The following MTG1 variants were observed in gnomAD, a reference collection of about 807,000 sequenced individuals.
The protein encoded by MTG1 is mitochondrial ribosome-associated GTPase 1.
In MTG1, 30 loss-of-function variants were observed where a neutral mutation model predicts 39.5. That is an observed-to-expected ratio of 0.76 (90% CI 0.57 to 1.03). MTG1 has a LOEUF of 1.03. MTG1 is among the 50% of genes least tolerant of loss of function. MTG1 has a pLI of 0.00. For missense variants in MTG1, 513 were observed against 447.4 expected (o/e 1.15, Z -1.32); for synonymous variants, 217 against 179.0 (o/e 1.21, Z -1.69).
chr10:133,415,820 C>G (rs190928467), intron 9 of MTG1, among the ~76,000 whole-genome samples: 5 of 152,104 alleles, frequency 3.3e-5, no homozygotes, highest in Admixed American at 3.3e-4. Context: ...TCCTCAGGAC[C>G]TCAGGCATGC....
At chr10:133,414,992 C>T (rs978604071) in intron 9 of MTG1, among the ~76,000 whole-genome samples, 11 of 152,250 alleles carry the variant, frequency 7.2e-5, no homozygotes, top group African/African-American at 2.2e-4. Flanking sequence ...AGCGAAACCC[C>T]ATCTCCACCA....
intron 9 of MTG1, among the ~76,000 whole-genome samples, chr10:133,417,120 A>C (rs1004637052): frequency 1.7e-4 from 26 of 152,036 alleles, no homozygotes; most frequent in African/African-American, 6.0e-4. Context: ...ATGGTATCTC[A>C]TTGTGGTTTT....
At position 133,420,332 on chromosome 10, in the gene MTG1, A is replaced by C. The variant is rs1474853965; in HGVS notation, c.*167A>C. The stretch of plus-strand genomic sequence containing the variant: ...GGCCAGCTCCAGGGACCCCAGTTGC[A>C]GGGCCCAAGCAGGTGGGAGTGGACA... On this transcript the variant is annotated 3_prime_UTR_variant, in exon 11 of 11. Transcript: ENST00000317502. 8.7e-6 allele frequency: 7 copies of C among 801,906 alleles called. No individual in the cohort carries two copies. In the South Asian group the frequency reaches 9.2e-5, roughly 11 times the overall value. The allele number at this position is 801,906 out of a possible 1,614,324, so 49.7% of individuals were successfully genotyped here.
chr10:133,410,735 G>A (rs1003049135), intron 9 of MTG1, among the ~76,000 whole-genome samples: 1 of 152,208 alleles, frequency 6.6e-6, no homozygotes, highest in Non-Finnish European at 1.5e-5. Flanking sequence ...TCGTGCCATC[G>A]CACTTCAGCC....
In MTG1 at chr10:133,402,086, G is replaced by A. The variant is rs1224548486; in HGVS notation, c.574-63G>A. On this transcript the variant is annotated intron_variant, in intron 7 of 10. Coordinates refer to ENST00000317502, the MANE Select transcript of MTG1 (RefSeq NM_138384.4). This position sits in a 1 kb window ranked among gnomAD's most constrained non-coding sequence, Gnocchi z 4.7. ...GTGCCAGGGGCTGCCCAGGCTTCCT[G>A]AGTGGCCCACCTGGGTGGGAGGCTG... The A allele has an allele frequency of 6.2e-7, 1 of 1,601,692 alleles. No individual in the cohort carries two copies. Among genetic ancestry groups the A allele is most frequent in the Middle Eastern group, 1.7e-4 (1 of 6,006 alleles).
At chr10:133,398,290 C>T (rs1283075966) in intron 3 of MTG1, 145 bp from the exon 4 acceptor site, 2 of 708,404 alleles carry the variant, frequency 2.8e-6, no homozygotes, top group Non-Finnish European at 4.6e-6. Context: ...ATCCCTGCTA[C>T]TTGGGAGGCT....
At chr10:133,412,879 A>T (rs1321025908) in intron 9 of MTG1, among the ~76,000 whole-genome samples, 2 of 152,034 alleles carry the variant, frequency 1.3e-5, no homozygotes, top group Non-Finnish European at 1.5e-5. Flanking sequence ...ACTACCAATT[A>T]TTGTGAGAGG....
chr10:133,395,599 A>G, intron 1 of MTG1, 114 bp from the exon 2 acceptor site: 1 of 954,274 alleles, frequency 1.0e-6, no homozygotes, highest in African/African-American at 1.6e-5. Context: ...CTTCCCTCAG[A>G]TATAGTCTTT....
In MTG1 at chr10:133,394,280, C is replaced by T. The variant is rs1484271203; in HGVS notation, c.60C>T (p.Phe20=). 2.6e-6 allele frequency: 4 copies of T among 1,517,252 alleles called. No individual in the cohort carries two copies. In the East Asian group the frequency reaches 8.1e-5, roughly 31 times the overall value. 94.0% of individuals were successfully genotyped at this position (1,517,252 alleles called of 1,614,324 possible). A position where few individuals can be genotyped will look rare whatever the true frequency, so the allele number is the denominator to read the frequency against. The change falls in exon 1 of 11, where the codon TTC becomes TTT. Residue 20 remains phenylalanine, a synonymous_variant. Coordinates refer to ENST00000317502, the MANE Select transcript of MTG1 (RefSeq NM_138384.4). ...CCCAGGCCGCCTGGCGGGAGAACTT[C>T]CCCCTGTGCGGTCGCGACGTGGCGC... is the stretch of plus-strand genomic sequence containing the variant. The part of the protein sequence containing the change: ...SAAQAAWREN[F]PLCGRDVARW...
chr10:133,394,215 G>T lies in MTG1; in HGVS notation c.-6G>T, dbSNP rs754178059. 1.5e-5 allele frequency: 22 copies of T among 1,514,578 alleles called. No individual in the cohort carries two copies. Among genetic ancestry groups the T allele is most frequent in the South Asian group, 3.7e-5 (3 of 82,090 alleles). 93.8% of individuals were successfully genotyped at this position (1,514,578 alleles called of 1,614,324 possible). ...CTGCGGGAGCGTTTCCGGGGACGGT[G>T]CCGCCATGAGATTGACCCCGCGCGC... On this transcript the variant is annotated 5_prime_UTR_variant, in exon 1 of 11. Transcript: ENST00000317502.
intron 4 of MTG1, 104 bp downstream of exon 4, chr10:133,398,619 A>G: frequency 7.5e-7 from 1 of 1,337,736 alleles, no homozygotes; most frequent in Non-Finnish European, 1.0e-6. Flanking sequence ...TTTGGAAAAG[A>G]TCCTAGGTGT....
At chr10:133,415,372 C>T (rs1366411998) in intron 9 of MTG1, among the ~76,000 whole-genome samples, 1 of 152,118 alleles carries the variant, frequency 6.6e-6, no homozygotes, top group Non-Finnish European at 1.5e-5. Context: ...ATTCTTTCAG[C>T]TTTTGGTTGT....
At position 133,412,955 on chromosome 10, in the gene MTG1, C is replaced by T. The variant is rs1011013081; in HGVS notation, c.753-6525C>T. Among the ~76,000 whole-genome samples the T allele has an allele frequency of 3.0e-4, 45 of 152,160 alleles. 2 individuals carry two copies. The highest frequency in any genetic ancestry group is 1.9e-4 in the East Asian group (1 of 5,202). ...CTTGCTGTTCAGTCAGTTTTGGCTT[C>T]GTGTATTTCGAAGCTCTGCTGTTAG... On this transcript the variant is annotated intron_variant, in intron 9 of 10. Coordinates refer to ENST00000317502, the MANE Select transcript of MTG1 (RefSeq NM_138384.4).
At position 133,402,119 on chromosome 10, in the gene MTG1, G is replaced by T. The variant is rs536918344; in HGVS notation, c.574-30G>T. Reference sequence around the variant, plus strand: ...CACCTGGGTGGGAGGCTGCCACCGCGGCCTGATCATGCCCTCTGTGCCCAC... The same window carrying T: ...CACCTGGGTGGGAGGCTGCCACCGCTGCCTGATCATGCCCTCTGTGCCCAC... On this transcript the variant is annotated intron_variant, in intron 7 of 10. Transcript: ENST00000317502. This position sits in a 1 kb window ranked among gnomAD's most constrained non-coding sequence, Gnocchi z 4.7. The T allele has an allele frequency of 6.2e-7, 1 of 1,613,268 alleles. No individual in the cohort carries two copies. The highest frequency in any genetic ancestry group is 1.3e-5 in the African/African-American group (1 of 74,904).
intron 9 of MTG1, among the ~76,000 whole-genome samples, chr10:133,403,761 T>A (rs1421757649): frequency 1.3e-5 from 2 of 152,080 alleles, no homozygotes; most frequent in Non-Finnish European, 2.9e-5. Context: ...TTTGTGTAGA[T>A]CCGGGCTTTC....
chr10:133,417,743 C>CACAG (rs1850153265), intron 9 of MTG1, among the ~76,000 whole-genome samples: 1 of 152,048 alleles, frequency 6.6e-6, no homozygotes, highest in South Asian at 2.1e-4. Context: ...AACAGACAAA[C>CACAG]AGCCAAATCA....
In MTG1 at chr10:133,395,713, G is replaced by A. The variant is rs746340910; in HGVS notation, c.113G>A (p.Gly38Glu). ...ARWFPGHMAK[G>E]LKKMQSSLKL... The stretch of plus-strand genomic sequence containing the variant: ...GCTGAGGCGTCCTTCTGTTTTCCAG[G>A]GCTGAAGAAGATGCAGAGCAGCCTG... Residue 38 changes from glycine to glutamate, a missense_variant and splice_region_variant, in exon 2 of 11, where the codon GGG becomes GAG. Transcript: ENST00000317502. The A allele has an allele frequency of 1.2e-6, 2 of 1,613,882 alleles. No individual in the cohort carries two copies. Among genetic ancestry groups the A allele is most frequent in the African/African-American group, 2.7e-5 (2 of 74,926 alleles).
chr10:133,404,489 C>CTTTT (rs148519831), intron 9 of MTG1, among the ~76,000 whole-genome samples: 6 of 1,962 alleles, frequency 3.1e-3, no homozygotes, highest in African/African-American at 3.2e-3. Flanking sequence ...TTTGTAAATA[C>CTTTT]TTTAAGTCTG....
chr10:133,402,784 T>G lies in MTG1; in HGVS notation c.752+11T>G. ...ACACCAGCGCTTTGGGTGAGTGCAG[T>G]GAATGCAGGGCAGCTGGGGCCCCTC... is the stretch of plus-strand genomic sequence containing the variant. On this transcript the variant is annotated intron_variant, in intron 9 of 10. Coordinates refer to ENST00000317502, the MANE Select transcript of MTG1 (RefSeq NM_138384.4). This position sits in a 1 kb window ranked among gnomAD's most constrained non-coding sequence, Gnocchi z 4.7. 1.3e-6 allele frequency: 2 copies of G among 1,590,274 alleles called. No homozygotes were observed. Among genetic ancestry groups the G allele is most frequent in the African/African-American group, 2.7e-5 (2 of 74,370 alleles).
Sources: gnomAD v4.1 joint callset for allele counts (sites outside exome capture counted in the v4.1 genomes callset) on GRCh38, gnomAD v4.1.1 for gene constraint, Gnocchi (gnomAD v3.1) non-coding constraint, MANE v1.5 for transcripts, NCBI Gene and HGNC (gene_info 2026-07-23, HGNC 2026-07-21) for gene names.